The following SPOUT1 variants were observed in gnomAD, a reference collection of about 807,000 sequenced individuals.
SPOUT1 encodes the protein SPOUT domain containing methyltransferase 1.
Under a neutral mutation model 54.8 loss-of-function variants are expected in SPOUT1, and 40 were observed. The observed-to-expected ratio is 0.73, with a 90% CI of 0.57 to 0.95. The LOEUF (loss-of-function observed/expected upper bound fraction) is 0.95, where lower values mean the gene tolerates loss of function less well. Among genes scored for constraint, SPOUT1 ranks in the 40% least tolerant of loss-of-function variants. The pLI is 0.00. For missense variants in SPOUT1, 437 were observed against 499.5 expected (o/e 0.87, Z 1.19); for synonymous variants, 193 against 200.3 (o/e 0.96, Z 0.31).
At chr9:128,827,500 T>C (rs1011994291) in intron 3 of SPOUT1, among the ~76,000 whole-genome samples, 8 of 152,360 alleles carry the variant, frequency 5.3e-5, no homozygotes, top group Non-Finnish European at 1.2e-4. Context: ...AAATGAAAGC[T>C]GATATCTAAT....
At chr9:128,825,992 G>A (rs1228308553) in intron 7 of SPOUT1, 30 bp downstream of exon 7, 1 of 1,613,902 alleles carries the variant, frequency 6.2e-7, no homozygotes, top group Admixed American at 1.7e-5. Flanking sequence ...TGTCCTGGAG[G>A]TGTGTCCTAG....
In SPOUT1 at chr9:128,821,380, TCCCGCCTTCCCCATGCAGGTCCCCAGTG is replaced by T. The variant is rs1447157654; in HGVS notation, c.*1357_*1384del. 28 of 168,334 alleles carry T rather than the reference TCCCGCCTTCCCCATGCAGGTCCCCAGTG, an allele frequency of 1.7e-4. No individual in the cohort carries two copies. Among genetic ancestry groups the T allele is most frequent in the Middle Eastern group, 5.6e-3 (2 of 358 alleles). 10.4% of individuals were successfully genotyped at this position (168,334 alleles called of 1,614,324 possible). On this transcript the variant is annotated 3_prime_UTR_variant, in exon 12 of 12. Transcript: ENST00000361256. The stretch of plus-strand genomic sequence containing the variant: ...TGCAGGTCCCCAGTGCACCGAGCTC[TCCCGCCTTCCCCATGCAGGTCCCCAGTG>T]CACCGAGCTCTCATGCCTTCCCCCT...
At chr9:128,823,496 C>A (rs1204279425) in intron 11 of SPOUT1, among the ~76,000 whole-genome samples, 1 of 152,164 alleles carries the variant, frequency 6.6e-6, no homozygotes, top group Non-Finnish European at 1.5e-5. Context: ...AACCAGAGGC[C>A]CGGAGCAGGG....
intron 7 of SPOUT1, 86 bp from the exon 8 acceptor site, chr9:128,825,135 C>T (rs945561474): frequency 2.0e-5 from 21 of 1,059,936 alleles, no homozygotes; most frequent in South Asian, 1.6e-4. Flanking sequence ...AGGGGAGCCC[C>T]GGGGCTGGCA....
intron 2 of SPOUT1, 118 bp from the exon 3 acceptor site, chr9:128,828,978 C>A (rs905849000): frequency 1.5e-5 from 23 of 1,523,362 alleles, no homozygotes; most frequent in Non-Finnish European, 2.0e-5. Context: ...CTCCCCAGGG[C>A]TCCCGGCCCC....
At chr9:128,829,606 C>G (rs1459907142) in intron 1 of SPOUT1, 139 bp downstream of exon 1, 10 of 678,470 alleles carry the variant, frequency 1.5e-5, no homozygotes, top group Non-Finnish European at 2.2e-5. Context: ...TCACGCGGCA[C>G]CTTCGGGGGC....
Position 128,829,310 on chromosome 9 carries a change from C to T in SPOUT1, c.37-155G>A, listed in dbSNP as rs182285985. 1.8e-4 allele frequency among the ~76,000 whole-genome samples: 27 copies of T among 152,292 alleles called. No individual in the cohort carries two copies. In the East Asian group the frequency reaches 5.2e-3, roughly 29 times the overall value. ...GCTGCCCCAGAAAGCGGCAGGAGGG[C>T]AGGGACCCGCTGTATCCCCAGCGCC... is the stretch of plus-strand genomic sequence containing the variant. On this transcript the variant is annotated intron_variant, in intron 1 of 11. Coordinates refer to ENST00000361256, the MANE Select transcript of SPOUT1 (RefSeq NM_016390.4).
intron 9 of SPOUT1, among the ~76,000 whole-genome samples, chr9:128,824,506 T>C (rs1473041305): frequency 6.6e-6 from 1 of 152,158 alleles, no homozygotes; most frequent in African/African-American, 2.4e-5. Flanking sequence ...AGTGGGCCTC[T>C]GACTTCTCTG....
At chr9:128,823,183 G>C (rs1830163374) in intron 11 of SPOUT1, among the ~76,000 whole-genome samples, 1 of 152,190 alleles carries the variant, frequency 6.6e-6, no homozygotes, top group African/African-American at 2.4e-5. Context: ...TGGCTGTCAG[G>C]CTCAGAGTGC....
chr9:128,826,358 G>GT lies in SPOUT1; in HGVS notation c.508+25_508+26insA. On this transcript the variant is annotated intron_variant, in intron 6 of 11. Coordinates refer to ENST00000361256, the MANE Select transcript of SPOUT1 (RefSeq NM_016390.4). The surrounding 1 kb of genome is among the most constrained non-coding windows in gnomAD (Gnocchi z 5.5). ...GTCTGTGGCATGATCCAGGGGAAAT[G>GT]GGGGGGCGGGCCCATACAGCGTTAC... The GT allele has an allele frequency of 6.2e-7, 1 of 1,608,788 alleles. No homozygotes were observed. Among genetic ancestry groups the GT allele is most frequent in the East Asian group, 2.2e-5 (1 of 44,806 alleles).
intron 3 of SPOUT1, among the ~76,000 whole-genome samples, chr9:128,827,789 GC>G (rs1212670129): frequency 1.3e-5 from 2 of 152,250 alleles, no homozygotes; most frequent in African/African-American, 4.8e-5. Context: ...GGGCATGGTG[GC>G]GCATGCCTGT....
At position 128,824,796 on chromosome 9, in the gene SPOUT1, G is replaced by A; in HGVS notation, c.786C>T (p.Tyr262=). The change falls in exon 9 of 12, where the codon TAC becomes TAT. Residue 262 remains tyrosine, a synonymous_variant. Transcript: ENST00000361256. The part of the protein sequence containing the change: ...PRTKAGLYWG[Y]TVRLASCLSA... ...TGAGGCAGGAAGCCAGTCGGACGGT[G>A]TAGCCCCAGTAGAGACCAGCTTTGG... is the stretch of plus-strand genomic sequence containing the variant. 6.2e-7 allele frequency: 1 copy of A among 1,613,852 alleles called. No individual in the cohort carries two copies. Among genetic ancestry groups the A allele is most frequent in the Non-Finnish European group, 8.5e-7 (1 of 1,179,736 alleles).
rs1830104770 is a variant in SPOUT1, at chr9:128,821,119, G to A, written c.*1646C>T. ...CCGCTTCTCCCTGCTGTCACCTCTTGGCATGCCCACCCAATCTTGTTCTGC... is the reference window on the plus strand; with the variant it reads ...CCGCTTCTCCCTGCTGTCACCTCTTAGCATGCCCACCCAATCTTGTTCTGC... On this transcript the variant is annotated 3_prime_UTR_variant, in exon 12 of 12. Coordinates refer to ENST00000361256, the MANE Select transcript of SPOUT1 (RefSeq NM_016390.4). The A allele has an allele frequency of 2.0e-6, 1 of 506,636 alleles. No homozygotes were observed. The highest frequency in any genetic ancestry group is 1.9e-5 in the African/African-American group (1 of 51,956). 31.4% of individuals were successfully genotyped at this position (506,636 alleles called of 1,614,324 possible).
At chr9:128,829,696 C>G (rs371828395) in intron 1 of SPOUT1, 49 bp downstream of exon 1, 1 of 1,445,394 alleles carries the variant, frequency 6.9e-7, no homozygotes, top group Non-Finnish European at 9.6e-7. Flanking sequence ...CACTGGTTCT[C>G]ACGCCTCCAC....
At chr9:128,829,620 C>T (rs1830312759) in intron 1 of SPOUT1, 125 bp downstream of exon 1, 3 of 749,436 alleles carry the variant, frequency 4.0e-6, no homozygotes, top group East Asian at 2.8e-5. Flanking sequence ...CGGGGGCTTC[C>T]GGCCTGGGAT....
In SPOUT1 at chr9:128,822,739, C is replaced by G. The variant is rs754019166; in HGVS notation, c.*26G>C. On this transcript the variant is annotated 3_prime_UTR_variant, in exon 12 of 12. Transcript: ENST00000361256. ...AGCCCCTGGTTTCACTGCTGCTTCA[C>G]TGATGTCCTCGGCCCCTTAGAACTT... 6.4e-7 allele frequency: 1 copy of G among 1,561,418 alleles called. No homozygotes were observed. The highest frequency in any genetic ancestry group is 8.7e-7 in the Non-Finnish European group (1 of 1,151,874).
At position 128,826,625 on chromosome 9, in the gene SPOUT1, C is replaced by T; in HGVS notation, c.373G>A (p.Val125Met). The T allele has an allele frequency of 1.9e-6, 3 of 1,582,830 alleles. No homozygotes were observed. Among genetic ancestry groups the T allele is most frequent in the Non-Finnish European group, 2.6e-6 (3 of 1,163,876 alleles). The change falls in exon 5 of 12, where the codon GTG becomes ATG. Residue 125 changes from valine to methionine, a missense_variant. By Grantham distance (21) the Val-to-Met change is conservative. Coordinates refer to ENST00000361256, the MANE Select transcript of SPOUT1 (RefSeq NM_016390.4). This position sits in a 1 kb window ranked among gnomAD's most constrained non-coding sequence, Gnocchi z 5.5. ...CCAACTCCTGTGAATTCCCCCTCCA[C>T]AGTCCTGGAGAGAGAGAGATGGGGG... ...FDEEGQDAKT[V>M]EGEFTGVGKK... is the part of the protein sequence containing the mutation.
chr9:128,824,803 C>T lies in SPOUT1; in HGVS notation c.779G>A (p.Trp260Ter), dbSNP rs1238107022. 6.2e-7 allele frequency: 1 copy of T among 1,613,924 alleles called. No homozygotes were observed. Among genetic ancestry groups the T allele is most frequent in the Non-Finnish European group, 8.5e-7 (1 of 1,179,954 alleles). The change falls in exon 9 of 12, where the codon TGG becomes TAG. Residue 260 changes from tryptophan (W) to a stop codon, truncating the protein, a stop_gained. Transcript: ENST00000361256. LOFTEE classifies it high-confidence loss of function. ...QDPRTKAGLY[W>*]GYTVRLASCL... ...GGAAGCCAGTCGGACGGTGTAGCCC[C>T]AGTAGAGACCAGCTTTGGTGCGAGG...
rs1478685373 is a variant in SPOUT1, at chr9:128,823,837, G to A, written c.972C>T (p.Asp324=). 1 of 1,612,646 alleles carries A rather than the reference G, an allele frequency of 6.2e-7. No homozygotes were observed. The highest frequency in any genetic ancestry group is 2.2e-5 in the East Asian group (1 of 44,874). Residue 324 remains aspartate (D), a synonymous_variant, in exon 11 of 12, where the codon GAC becomes GAT. Coordinates refer to ENST00000361256, the MANE Select transcript of SPOUT1 (RefSeq NM_016390.4). The stretch of plus-strand genomic sequence containing the variant: ...TGGGTTCAGCCACCTCCAGGTTGGG[G>A]TCAGCATCCGCTCCAGCTTCCAGAC... ...LQGLEAGADA[D]PNLEVAEPSV...
Sources: gnomAD v4.1 joint callset for allele counts (sites outside exome capture counted in the v4.1 genomes callset) on GRCh38, gnomAD v4.1.1 for gene constraint, Gnocchi (gnomAD v3.1) non-coding constraint, MANE v1.5 for transcripts, NCBI Gene and HGNC (gene_info 2026-07-23, HGNC 2026-07-21) for gene names.